Variants in HIVEP3 observed in about 807,000 individuals in gnomAD.
HIVEP3 encodes the protein transcription factor HIVEP3.
Under a neutral mutation model 152.8 loss-of-function variants are expected in HIVEP3, and 49 were observed. The ratio of observed to expected loss-of-function variants is 0.32; its 90% CI spans 0.26 to 0.41. HIVEP3 has a LOEUF of 0.41. HIVEP3 is among the 10% of genes least tolerant of loss of function. The probability of loss-of-function intolerance (pLI) is 1.00; values close to 1 mark genes in which losing one functional copy is unlikely to be tolerated. For synonymous variants in HIVEP3, 1,269 were observed against 1,289.0 expected (o/e 0.98, Z 0.33); for missense variants, 2,790 against 3,103.3 (o/e 0.90, Z 2.40).
chr1:41,574,306 G>A (rs1297577230), intron 5 of HIVEP3, among the ~76,000 whole-genome samples: 6 of 152,136 alleles, frequency 3.9e-5, no homozygotes, highest in South Asian at 2.1e-4. Context: ...AGGAGGACCC[G>A]CGTCCCTCCC....
rs569329784 is a variant in HIVEP3 at position 41,777,657 on chromosome 1, G to A, written c.-800-76662C>T. 3.9e-5 allele frequency among the ~76,000 whole-genome samples: 6 copies of A among 152,380 alleles called. No homozygotes were observed. The South Asian group carries it at 1.2e-3, about 32-fold the overall frequency. ...CAGAGGAAAGAGCTTTGGGTTAAAA[G>A]TCAAGGCAGTTCATCGGTTAGACCT... On this transcript the variant is annotated intron_variant, in intron 1 of 8. Coordinates refer to ENST00000372583, the MANE Select transcript of HIVEP3 (RefSeq NM_024503.5).
intron 1 of HIVEP3, among the ~76,000 whole-genome samples, chr1:41,805,555 C>A (rs1044567506): frequency 6.6e-6 from 1 of 152,066 alleles, no homozygotes; most frequent in Non-Finnish European, 1.5e-5. Context: ...CGTTTACATG[C>A]GTGTGCGTGG....
intron 5 of HIVEP3, among the ~76,000 whole-genome samples, chr1:41,554,250 C>A (rs1401389129): frequency 1.3e-5 from 2 of 152,138 alleles, no homozygotes; most frequent in Non-Finnish European, 1.5e-5. Flanking sequence ...TTAATTTGAT[C>A]TTCAATCACT....
intron 5 of HIVEP3, among the ~76,000 whole-genome samples, chr1:41,574,591 G>A (rs947050860): frequency 1.3e-5 from 2 of 152,144 alleles, no homozygotes; most frequent in African/African-American, 4.8e-5. Context: ...TGCCTCCCAC[G>A]CTGACCCTGT....
intron 1 of HIVEP3, among the ~76,000 whole-genome samples, chr1:41,878,764 C>T: frequency 7.1e-6 from 1 of 139,892 alleles, no homozygotes; most frequent in Non-Finnish European, 1.6e-5. Context: ...CTTCCTCCCT[C>T]CTCCTCCCTC....
chr1:41,568,849 CA>C (rs1204982226), intron 5 of HIVEP3, among the ~76,000 whole-genome samples: 1 of 152,146 alleles, frequency 6.6e-6, no homozygotes, highest in Non-Finnish European at 1.5e-5. Context: ...TGTCCCTGCC[CA>C]AATCTCATGT....
At chr1:41,638,360 GGAAA>G (rs1553241212) in intron 2 of HIVEP3, among the ~76,000 whole-genome samples, 13 of 36,148 alleles carry the variant, frequency 3.6e-4, no homozygotes, top group Non-Finnish European at 6.1e-4. Context: ...GAAAGAAAAA[GGAAA>G]GAAAGAAAGG....
chr1:41,912,269 G>A (rs186480048), intron 1 of HIVEP3, among the ~76,000 whole-genome samples: 257 of 152,252 alleles, frequency 1.7e-3, no homozygotes, highest in African/African-American at 5.9e-3. Context: ...ATTGACTGGT[G>A]AGTACATAAG....
chr1:41,887,448 A>G (rs1250196320), intron 1 of HIVEP3, among the ~76,000 whole-genome samples: 1 of 152,200 alleles, frequency 6.6e-6, no homozygotes, highest in Non-Finnish European at 1.5e-5. Context: ...CCATCCCTGG[A>G]GGTGAAATAA....
chr1:41,644,530 G>C (rs768180828), intron 2 of HIVEP3, among the ~76,000 whole-genome samples: 18 of 152,148 alleles, frequency 1.2e-4, no homozygotes, highest in Non-Finnish European at 2.6e-4. Context: ...AACAAACAGA[G>C]AGAACGATGT....
At chr1:41,766,367 G>T (rs1236323553) in intron 1 of HIVEP3, among the ~76,000 whole-genome samples, 2 of 152,198 alleles carry the variant, frequency 1.3e-5, no homozygotes, top group African/African-American at 2.4e-5. Flanking sequence ...CCACATCAAA[G>T]AATTATTCAG....
intron 2 of HIVEP3, among the ~76,000 whole-genome samples, chr1:41,700,215 C>T (rs1000599363): frequency 6.6e-6 from 1 of 152,178 alleles, no homozygotes; most frequent in Admixed American, 6.5e-5. Context: ...GAGGATAATG[C>T]CATGATTTGT....
intron 2 of HIVEP3, among the ~76,000 whole-genome samples, chr1:41,693,520 T>G (rs1428535311): frequency 6.6e-6 from 1 of 152,250 alleles, no homozygotes; most frequent in African/African-American, 2.4e-5. Flanking sequence ...CTTTATCTAA[T>G]ACTTCACTTA....
rs143274774 is a variant in HIVEP3, at chr1:41,583,125, C to T, written c.1673G>A (p.Arg558Gln). 1.9e-5 allele frequency: 31 copies of T among 1,612,660 alleles called. No individual in the cohort carries two copies. Among genetic ancestry groups the T allele is most frequent in the East Asian group, 4.5e-5 (2 of 44,824 alleles). ...CTISTPHHPF[R>Q]GSYSFDDHIT... ...ATGGTCATCGAAGGAGTAGCTACCT[C>T]GGAAGGGGTGGTGGGGGGTGCTGAT... is the stretch of plus-strand genomic sequence containing the variant. Residue 558 changes from arginine to glutamine, a missense_variant, in exon 4 of 9, where the codon CGA becomes CAA. Coordinates refer to ENST00000372583, the MANE Select transcript of HIVEP3 (RefSeq NM_024503.5). The surrounding 1 kb of genome is among the most constrained non-coding windows in gnomAD (Gnocchi z 6.9).
intron 1 of HIVEP3, among the ~76,000 whole-genome samples, chr1:41,815,196 C>T (rs1467452499): frequency 6.6e-6 from 1 of 152,156 alleles, no homozygotes; most frequent in African/African-American, 2.4e-5. Context: ...AGAAGGGGGT[C>T]AGGTGCAGTG....
intron 5 of HIVEP3, among the ~76,000 whole-genome samples, chr1:41,529,193 T>A (rs1643146993): frequency 3.0e-5 from 2 of 67,222 alleles, no homozygotes; most frequent in Non-Finnish European, 2.9e-5. Context: ...CACACTCACA[T>A]GCTTACACCC....
rs544479419 is a variant in HIVEP3 at position 41,965,808 on chromosome 1, A to T, written n.120-47284T>A. Among the ~76,000 whole-genome samples, 10 of 152,356 alleles carry T rather than the reference A, an allele frequency of 6.6e-5. No homozygotes were observed. The South Asian group carries it at 2.1e-3, about 32-fold the overall frequency. Reference sequence around the variant, plus strand: ...GGAACCAAGTTGGAAAACATACATCAAAATATCATCCAGGAGAACTTCCCC... The same window carrying T: ...GGAACCAAGTTGGAAAACATACATCTAAATATCATCCAGGAGAACTTCCCC... On this transcript the variant is annotated intron_variant and non_coding_transcript_variant, in intron 1 of 3. Transcript: ENST00000489103.
chr1:41,790,071 C>T (rs556063569), intron 1 of HIVEP3, among the ~76,000 whole-genome samples: 1 of 152,342 alleles, frequency 6.6e-6, no homozygotes, highest in South Asian at 2.1e-4. Context: ...GCTGGTGGAA[C>T]TGGCTTCTCT....
intron 3 of HIVEP3, among the ~76,000 whole-genome samples, chr1:41,586,495 G>A (rs1258152741): frequency 9.6e-5 from 14 of 146,240 alleles, no homozygotes; most frequent in Non-Finnish European, 1.1e-4. Context: ...ATCCCTTGGC[G>A]AGGCCCTGGG....
Sources: gnomAD v4.1 joint callset for allele counts (sites outside exome capture counted in the v4.1 genomes callset) on GRCh38, gnomAD v4.1.1 for gene constraint, Gnocchi (gnomAD v3.1) non-coding constraint, MANE v1.5 for transcripts, NCBI Gene and HGNC (gene_info 2026-07-23, HGNC 2026-07-21) for gene names.